RCL1: variants seen among roughly 807,000 people sequenced by gnomAD.
RCL1 encodes RNA terminal phosphate cyclase like 1, also known as RNA 3'-terminal phosphate cyclase-like protein.
RCL1 carries 24 observed loss-of-function variants against 42.4 expected under a neutral mutation model. The observed-to-expected ratio is 0.57, with a 90% CI of 0.41 to 0.80. The LOEUF (loss-of-function observed/expected upper bound fraction) is 0.80. Ranked by LOEUF, RCL1 falls within the 30% of genes least tolerant of loss-of-function variation. The pLI is 0.00. For missense variants in RCL1, 578 were observed against 467.9 expected (o/e 1.24, Z -2.17); for synonymous variants, 228 against 177.3 (o/e 1.29, Z -2.27).
intron 5 of RCL1, among the ~76,000 whole-genome samples, chr9:4,835,623 G>C (rs1320773562): frequency 2.0e-5 from 3 of 152,238 alleles, no homozygotes; most frequent in Non-Finnish European, 2.9e-5. Context: ...GTAAGGATTT[G>C]AGTGTTTTTG....
At position 4,849,463 on chromosome 9, in the gene RCL1, C is replaced by G; in HGVS notation, c.884C>G (p.Ser295Trp). ...TGTTTACAGGGTGGATGCGTAGACT[C>G]GACCAACCAAAGCCTGGCGCTACTA... ...EEIYRGGCVDSTNQSLALLLM... is the reference protein window; with the variant it reads ...EEIYRGGCVDWTNQSLALLLM... The change falls in exon 8 of 9, where the codon TCG becomes TGG. Residue 295 changes from serine to tryptophan, a missense_variant. Ser to Trp is a radical substitution (Grantham distance 177). Transcript: ENST00000381750. The G allele has an allele frequency of 6.2e-7, 1 of 1,613,778 alleles. No homozygotes were observed. The highest frequency in any genetic ancestry group is 8.5e-7 in the Non-Finnish European group (1 of 1,179,818).
At chr9:4,828,322 G>T (rs539212900) in intron 3 of RCL1, among the ~76,000 whole-genome samples, 15 of 152,286 alleles carry the variant, frequency 9.8e-5, no homozygotes, top group African/African-American at 3.4e-4. Flanking sequence ...GACCAATGAG[G>T]TGATGCTGTG....
At chr9:4,825,867 C>T (rs1486615318) in intron 2 of RCL1, among the ~76,000 whole-genome samples, 1 of 151,648 alleles carries the variant, frequency 6.6e-6, no homozygotes, top group Non-Finnish European at 1.5e-5. Flanking sequence ...GTAATCCCAG[C>T]ACTTTGGGAA....
chr9:4,802,793 T>C (rs985449862), intron 1 of RCL1, among the ~76,000 whole-genome samples: 3 of 152,178 alleles, frequency 2.0e-5, no homozygotes, highest in Non-Finnish European at 4.4e-5. Context: ...CCACAGTGCA[T>C]AACAAACTAC....
intron 1 of RCL1, among the ~76,000 whole-genome samples, chr9:4,798,489 A>G (rs1215373822): frequency 6.6e-6 from 1 of 152,250 alleles, no homozygotes; most frequent in East Asian, 1.9e-4. Context: ...GGAGTGCTCC[A>G]TATGGCTTAA....
chr9:4,832,970 G>C (rs1816996317), intron 3 of RCL1, among the ~76,000 whole-genome samples, 184 bp from the exon 4 acceptor site: 1 of 152,170 alleles, frequency 6.6e-6, no homozygotes, highest in Admixed American at 6.5e-5. Context: ...GAGAAGCCCA[G>C]TGGCCTGTGA....
chr9:4,802,746 G>A (rs1281993480), intron 1 of RCL1, among the ~76,000 whole-genome samples: 1 of 152,074 alleles, frequency 6.6e-6, no homozygotes, highest in African/African-American at 2.4e-5. Context: ...AGCATACTTG[G>A]GAATAAACCA....
At chr9:4,835,199 G>C (rs1160384824) in intron 5 of RCL1, among the ~76,000 whole-genome samples, 1 of 152,210 alleles carries the variant, frequency 6.6e-6, no homozygotes, top group East Asian at 1.9e-4. Context: ...AAGGTGGCTG[G>C]AATCAGATAC....
intron 3 of RCL1, among the ~76,000 whole-genome samples, chr9:4,832,805 CAAAAAAAAAA>C (rs34915834): frequency 3.6e-4 from 14 of 39,306 alleles, no homozygotes; most frequent in Non-Finnish European, 3.2e-4. Context: ...AGATTCCACT[CAAAAAAAAAA>C]AAAAAAAAAA....
chr9:4,812,364 G>A (rs757490828), intron 1 of RCL1, among the ~76,000 whole-genome samples: 5 of 151,662 alleles, frequency 3.3e-5, no homozygotes, highest in Non-Finnish European at 7.4e-5. Context: ...TTAATATGAT[G>A]AGAGTAGGCA....
At chr9:4,834,471 C>CTTTTTTTTTTTT (rs5896097) in intron 5 of RCL1, among the ~76,000 whole-genome samples, 2 of 128,432 alleles carry the variant, frequency 1.6e-5, no homozygotes, top group Non-Finnish European at 3.3e-5. Flanking sequence ...TTGAGTCATT[C>CTTTTTTTTTTTT]TTTTTTTTTT....
chr9:4,794,640 CT>C lies in RCL1; in HGVS notation c.136+1427del, dbSNP rs5896092. On this transcript the variant is annotated intron_variant, in intron 1 of 8. Transcript: ENST00000381750. ...CTACTTTGTATAAAAGTAGGCATAA[CT>C]TTTTTTTTTTTTTCCAGAGAAATGG... Among the ~76,000 whole-genome samples, 830 of 147,624 alleles carry C rather than the reference CT, an allele frequency of 5.6e-3. 7 individuals are homozygous for C. Among genetic ancestry groups the C allele is most frequent in the African/African-American group, 0.019 (763 of 40,038 alleles).
intron 1 of RCL1, among the ~76,000 whole-genome samples, chr9:4,814,622 C>T (rs1395181575): frequency 3.3e-5 from 5 of 152,000 alleles, no homozygotes; most frequent in Non-Finnish European, 7.4e-5. Context: ...TTTTTCTTCC[C>T]GTCTTATTGT....
chr9:4,802,163 A>C (rs1843014756), intron 1 of RCL1, among the ~76,000 whole-genome samples: 1 of 148,606 alleles, frequency 6.7e-6, no homozygotes, highest in South Asian at 2.1e-4. Context: ...GAGCCCAAGT[A>C]ATCCACCCGC....
At position 4,842,858 on chromosome 9, in the gene RCL1, C is replaced by T. The variant is rs532608468; in HGVS notation, c.710+1501C>T. ...TCTCGATAGTCCCTTCTCTGCTTTG[C>T]CTCTCGCTTTATCAGAAAGTGTCCT... On this transcript the variant is annotated intron_variant, in intron 6 of 8. Coordinates refer to ENST00000381750, the MANE Select transcript of RCL1 (RefSeq NM_005772.5). 2.6e-5 allele frequency among the ~76,000 whole-genome samples: 4 copies of T among 152,296 alleles called. No individual in the cohort carries two copies. In the East Asian group the frequency reaches 7.7e-4, roughly 29 times the overall value.
chr9:4,839,648 C>T, intron 5 of RCL1: 15 of 984,986 alleles, frequency 1.5e-5, no homozygotes, highest in Non-Finnish European at 1.8e-5. Context: ...TGTAACTGGG[C>T]TGTGTGTGTA....
chr9:4,826,795 A>C, intron 2 of RCL1, 63 bp from the exon 3 acceptor site: 1 of 1,432,986 alleles, frequency 7.0e-7, no homozygotes, highest in Non-Finnish European at 9.5e-7. Flanking sequence ...CACTGCCTTC[A>C]TTACCTTTGT....
intron 8 of RCL1, among the ~76,000 whole-genome samples, chr9:4,851,099 G>T (rs1259645755): frequency 6.6e-6 from 1 of 152,092 alleles, no homozygotes; most frequent in Admixed American, 6.5e-5. Context: ...GCTTTGCAGA[G>T]ATGCTCAAGA....
chr9:4,820,576 GT>G (rs1037016267), intron 1 of RCL1, among the ~76,000 whole-genome samples: 1 of 152,200 alleles, frequency 6.6e-6, no homozygotes, highest in African/African-American at 2.4e-5. Flanking sequence ...TAAAGTCATG[GT>G]TTCTTCCTTT....
Sources: allele counts gnomAD v4.1 joint callset (sites outside exome capture counted in the v4.1 genomes callset), GRCh38; gene constraint gnomAD v4.1.1; transcripts MANE v1.5; gene names NCBI Gene and HGNC (gene_info 2026-07-23, HGNC 2026-07-21).